The following GLIS3 variants were observed in gnomAD, a reference collection of about 807,000 sequenced individuals.
GLIS3 encodes the protein zinc finger protein GLIS3.
A neutral mutation model predicts 78.6 loss-of-function variants in GLIS3; 53 were observed. The observed-to-expected ratio is 0.67, with a 90% CI of 0.54 to 0.85. The LOEUF (loss-of-function observed/expected upper bound fraction) is 0.85, where lower values mean the gene tolerates loss of function less well. Ranked by LOEUF, GLIS3 falls within the 40% of genes least tolerant of loss-of-function variation. GLIS3 has a pLI of 0.00. For missense variants in GLIS3, 1,703 were observed against 1,231.1 expected, an observed-to-expected ratio of 1.38 and a Z score of -5.74; for synonymous variants, 684 against 509.9, an observed-to-expected ratio of 1.34 and a Z score of -4.60.
chr9:4,253,256 T>A (rs902804198), intron 2 of GLIS3, among the ~76,000 whole-genome samples: 16 of 151,986 alleles, frequency 1.1e-4, no homozygotes, highest in Non-Finnish European at 2.1e-4. Context: ...GAGATGGGAG[T>A]TTTATCTACA....
chr9:4,485,945 A>T, the GLIS3 span, among the ~76,000 whole-genome samples: 1,667 of 151,238 alleles, frequency 0.011, 32 homozygotes, highest in Non-Finnish European at 0.013. Context: ...CTGGTCTCAA[A>T]CTCCTGACCT....
chr9:4,248,660 G>A (rs1029208118), intron 2 of GLIS3, among the ~76,000 whole-genome samples: 12 of 152,128 alleles, frequency 7.9e-5, no homozygotes, highest in African/African-American at 1.9e-4. Flanking sequence ...TTGAGGAATC[G>A]CCACACTGTC....
intron 8 of GLIS3, among the ~76,000 whole-genome samples, chr9:3,859,368 C>CACAG (rs1246849112): frequency 1.5e-4 from 2 of 13,498 alleles, no homozygotes; most frequent in African/African-American, 3.3e-4. Flanking sequence ...CACACACACA[C>CACAG]ACACACACAC....
At chr9:4,023,681 T>C (rs977789924) in intron 4 of GLIS3, among the ~76,000 whole-genome samples, 2 of 152,186 alleles carry the variant, frequency 1.3e-5, no homozygotes, top group Admixed American at 1.3e-4. Flanking sequence ...AAAGAAGGTG[T>C]CAACACAGAG....
chr9:3,879,902 T>G (rs957056875), intron 7 of GLIS3, among the ~76,000 whole-genome samples: 2 of 152,138 alleles, frequency 1.3e-5, no homozygotes, highest in Non-Finnish European at 2.9e-5. Context: ...TGTTTGCATC[T>G]GTGCCAAGGT....
chr9:3,905,136 T>C lies in GLIS3; in HGVS notation c.1984-6301A>G, dbSNP rs12686112. On this transcript the variant is annotated intron_variant, in intron 6 of 10. Transcript: ENST00000381971. ...TATAGGCGCCTGCCGCCACGCCCGG[T>C]TAAATTTTTTTCTTTTTTTTTTTTT... is the stretch of plus-strand genomic sequence containing the variant. Among the ~76,000 whole-genome samples the C allele has an allele frequency of 3.2e-4, 31 of 97,508 alleles. No homozygotes were observed. The South Asian group carries it at 5.4e-3, about 17-fold the overall frequency. 64.0% of individuals were successfully genotyped at this position (97,508 alleles called of 152,430 possible). A position where few individuals can be genotyped will look rare whatever the true frequency, so the allele number is the denominator to read the frequency against.
intron 2 of GLIS3, among the ~76,000 whole-genome samples, chr9:4,320,203 C>G (rs1817503715): frequency 6.6e-6 from 1 of 152,160 alleles, no homozygotes; most frequent in South Asian, 2.1e-4. Flanking sequence ...CCCTTCCATT[C>G]TGAATGTCTC....
At chr9:4,487,897 G>C in the GLIS3 span, among the ~76,000 whole-genome samples, 1 of 152,078 alleles carries the variant, frequency 6.6e-6, no homozygotes, top group Non-Finnish European at 1.5e-5. Flanking sequence ...TCACTAAGTT[G>C]CCCAGGTTGG....
At chr9:4,441,520 C>G in the GLIS3 span, among the ~76,000 whole-genome samples, 1 of 152,194 alleles carries the variant, frequency 6.6e-6, no homozygotes, top group Non-Finnish European at 1.5e-5. Context: ...ATAATCTTCT[C>G]AAAGTGTTGT....
At chr9:4,130,476 CA>C (rs781163423) in intron 2 of GLIS3, among the ~76,000 whole-genome samples, 1 of 152,240 alleles carries the variant, frequency 6.6e-6, no homozygotes, top group Non-Finnish European at 1.5e-5. Flanking sequence ...GCACAGCCTC[CA>C]AACACTGCTC....
intron 8 of GLIS3, among the ~76,000 whole-genome samples, chr9:3,874,585 T>TG (rs969035325): frequency 2.0e-5 from 3 of 152,046 alleles, no homozygotes; most frequent in Non-Finnish European, 2.9e-5. Context: ...GCATCAGAAG[T>TG]GGGGGGCAGT....
chr9:4,054,551 G>A (rs930697495), intron 4 of GLIS3: 17 of 941,008 alleles, frequency 1.8e-5, no homozygotes, highest in African/African-American at 7.1e-5. Context: ...TGATCAGTGC[G>A]GAGCAGGTCA....
intron 5 of GLIS3, among the ~76,000 whole-genome samples, chr9:3,935,391 A>G (rs997078353): frequency 5.3e-5 from 8 of 152,190 alleles, no homozygotes; most frequent in Admixed American, 5.2e-4. Context: ...AACAAAAATC[A>G]GGAAACCACT....
intron 4 of GLIS3, among the ~76,000 whole-genome samples, chr9:3,954,240 T>C (rs984641496): frequency 6.6e-6 from 1 of 152,196 alleles, no homozygotes; most frequent in African/African-American, 2.4e-5. Context: ...CAGGGAGAAA[T>C]CTATGGTTTG....
intron 2 of GLIS3, among the ~76,000 whole-genome samples, chr9:4,156,673 T>C (rs1835061964): frequency 6.6e-6 from 1 of 152,228 alleles, no homozygotes; most frequent in African/African-American, 2.4e-5. Context: ...CATTAAAATT[T>C]ACATATCCTT....
At position 3,824,394 on chromosome 9, in the gene GLIS3, A is replaced by AAAACAAAC. The variant is rs905376635; in HGVS notation, c.*3870_*3877dup. On this transcript the variant is annotated 3_prime_UTR_variant, in exon 11 of 11. Transcript: ENST00000381971. Reference sequence around the variant, plus strand: ...GAGGCTGATGGTAAAACAAAACAAAAAAACAAACAAACAAACAATGATGGT... The same window carrying AAAACAAAC: ...GAGGCTGATGGTAAAACAAAACAAAAAAACAAACAAACAAACAAACAAACAATGATGGT... The AAAACAAAC allele has an allele frequency of 6.6e-6, 1 of 152,554 alleles. No individual in the cohort carries two copies. The highest frequency in any genetic ancestry group is 1.5e-5 in the Non-Finnish European group (1 of 68,024). The allele number at this position is 152,554 out of a possible 1,614,324, so 9.5% of individuals were successfully genotyped here.
rs775130381 is a variant in GLIS3 at position 4,118,733 on chromosome 9, C to G, written c.745G>C (p.Gly249Arg). The change falls in exon 4 of 11, where the codon GGG becomes CGG. Residue 249 changes from glycine to arginine, a missense_variant. Physicochemically the swap from Gly to Arg is moderately radical, Grantham distance 125. Coordinates refer to ENST00000381971, the MANE Select transcript of GLIS3 (RefSeq NM_001042413.2). This position sits in a 1 kb window ranked among gnomAD's most constrained non-coding sequence, Gnocchi z 4.7. ...CCGGGAGGAAGGCTAAGGAGATCCC[C>G]TAGATCAAGGCCATTCTGAGAGCCG... ...NHGSQNGLDL[G>R]DLLSLPPGTS... is the part of the protein sequence containing the mutation. The G allele has an allele frequency of 6.2e-7, 1 of 1,614,024 alleles. No homozygotes were observed. The highest frequency in any genetic ancestry group is 8.5e-7 in the Non-Finnish European group (1 of 1,180,020).
chr9:3,960,918 AAG>A (rs1293557132), intron 4 of GLIS3, among the ~76,000 whole-genome samples: 1 of 152,200 alleles, frequency 6.6e-6, no homozygotes, highest in Non-Finnish European at 1.5e-5. Flanking sequence ...ATGCTTTTGT[AAG>A]GCTAAAGAAG....
At chr9:4,114,228 C>T (rs1334345040) in intron 4 of GLIS3, among the ~76,000 whole-genome samples, 1 of 152,164 alleles carries the variant, frequency 6.6e-6, no homozygotes, top group Non-Finnish European at 1.5e-5. Context: ...AACACACTTA[C>T]TGGGCACCGT....
Sources: gnomAD v4.1 joint callset for allele counts (sites outside exome capture counted in the v4.1 genomes callset) on GRCh38, gnomAD v4.1.1 for gene constraint, Gnocchi (gnomAD v3.1) non-coding constraint, MANE v1.5 for transcripts, NCBI Gene and HGNC (gene_info 2026-07-23, HGNC 2026-07-21) for gene names.